Variants in PCDHGB3 observed in about 807,000 individuals in gnomAD.
PCDHGB3 encodes the protein protocadherin gamma-B3.
A neutral mutation model predicts 59.2 loss-of-function variants in PCDHGB3; 40 were observed. The observed-to-expected ratio is 0.68, with a 90% confidence interval of 0.52 to 0.88. PCDHGB3 has a LOEUF of 0.88. Ranked by LOEUF, PCDHGB3 falls within the 40% of genes least tolerant of loss-of-function variation. The pLI is 0.00. For synonymous variants in PCDHGB3, 581 were observed against 503.6 expected, an observed-to-expected ratio of 1.15 and a Z score of -2.06; for missense variants, 1,309 against 1,187.9, an observed-to-expected ratio of 1.10 and a Z score of -1.50.
At chr5:141,422,149 C>G in intron 1 of PCDHGB3, 1 of 1,577,238 alleles carries the variant, frequency 6.3e-7, no homozygotes. Context: ...ACGGGGGTCT[C>G]TGGATTTTGA....
At chr5:141,502,288 G>C (rs2099813700) in intron 2 of PCDHGB3, among the ~76,000 whole-genome samples, 1 of 151,338 alleles carries the variant, frequency 6.6e-6, no homozygotes, top group African/African-American at 2.5e-5. Flanking sequence ...ATTGCATTTG[G>C]TTGTCACGTC....
At chr5:141,381,178 G>A (rs1267503052) in intron 1 of PCDHGB3, among the ~76,000 whole-genome samples, 1 of 152,222 alleles carries the variant, frequency 6.6e-6, no homozygotes, top group African/African-American at 2.4e-5. Flanking sequence ...CCCACAAAAC[G>A]AAGTTAAGCT....
At position 141,487,796 on chromosome 5, in the gene PCDHGB3, T is replaced by C. The variant is rs766798983; in HGVS notation, c.2416-7011T>C. ...TAACTGTTTCGTGAATTAACCAGAG[T>C]TGTCACAGTTTAGCATTGGGGGCGG... On this transcript the variant is annotated intron_variant, in intron 1 of 3. Coordinates refer to ENST00000576222, the MANE Select transcript of PCDHGB3 (RefSeq NM_018924.5). The surrounding 1 kb of genome is among the most constrained non-coding windows in gnomAD (Gnocchi z 5.0). 15 of 1,498,660 alleles carry C rather than the reference T, an allele frequency of 1.0e-5. No homozygotes were observed. The highest frequency in any genetic ancestry group is 1.4e-5 in the Non-Finnish European group (15 of 1,110,900). 92.8% of individuals were successfully genotyped at this position (1,498,660 alleles called of 1,614,324 possible). A position where few individuals can be genotyped will look rare whatever the true frequency, so the allele number is the denominator to read the frequency against.
At position 141,371,825 on chromosome 5, in the gene PCDHGB3, G is replaced by A. The variant is rs1239561889; in HGVS notation, c.1431G>A (p.Ser477=). 1 of 1,613,792 alleles carries A rather than the reference G, an allele frequency of 6.2e-7. No homozygotes were observed. Among genetic ancestry groups the A allele is most frequent in the Non-Finnish European group, 8.5e-7 (1 of 1,179,896 alleles). ...PGASIAHVRA[S]DPDLGPNGLV... is the part of the protein sequence containing the mutation. ...CCTCCATTGCGCATGTCAGAGCCTC[G>A]GATCCCGACTTGGGACCTAATGGCC... Residue 477 remains serine, a synonymous_variant, in exon 1 of 4, where the codon TCG becomes TCA. Transcript: ENST00000576222.
At chr5:141,392,632 C>A in intron 1 of PCDHGB3, 1 of 610,258 alleles carries the variant, frequency 1.6e-6, no homozygotes, top group Non-Finnish European at 2.7e-6. Context: ...ACTCAGATCT[C>A]ACACCTCACG....
intron 1 of PCDHGB3, among the ~76,000 whole-genome samples, chr5:141,401,855 C>T (rs1188056656): frequency 1.3e-5 from 2 of 152,164 alleles, no homozygotes; most frequent in African/African-American, 2.4e-5. Flanking sequence ...TACTTTTAAC[C>T]TTTCAGTAGT....
At chr5:141,495,095 G>C (rs67264863) in intron 2 of PCDHGB3, among the ~76,000 whole-genome samples, 9,751 of 152,126 alleles carry the variant, frequency 0.064, 363 homozygotes, top group South Asian at 0.11. Context: ...TTCCCTCCTC[G>C]CCACGACCGG....
chr5:141,476,584 C>T lies in PCDHGB3; in HGVS notation c.2416-18223C>T. 6.2e-7 allele frequency: 1 copy of T among 1,614,218 alleles called. No individual in the cohort carries two copies. The highest frequency in any genetic ancestry group is 8.5e-7 in the Non-Finnish European group (1 of 1,180,042). ...TGGCTCCGGGGACGCGCTTTCCGCTCGAGAGCGCGCACGATCCCGATGTGG... is the reference window on the plus strand; with the variant it reads ...TGGCTCCGGGGACGCGCTTTCCGCTTGAGAGCGCGCACGATCCCGATGTGG... On this transcript the variant is annotated intron_variant, in intron 1 of 3. Coordinates refer to ENST00000576222, the MANE Select transcript of PCDHGB3 (RefSeq NM_018924.5). The surrounding 1 kb of genome is among the most constrained non-coding windows in gnomAD (Gnocchi z 7.6).
intron 1 of PCDHGB3, chr5:141,388,504 C>T: frequency 1.2e-6 from 2 of 1,613,808 alleles, no homozygotes; most frequent in Non-Finnish European, 1.7e-6. Context: ...AAGCAGAAAT[C>T]CTACCACTTG....
intron 1 of PCDHGB3, chr5:141,478,511 C>CA: frequency 3.1e-6 from 5 of 1,611,778 alleles, no homozygotes; most frequent in Non-Finnish European, 4.2e-6. Context: ...GTTCTATAGG[C>CA]AGGTGTTGGG....
chr5:141,404,132 T>C, intron 1 of PCDHGB3: 1 of 1,613,136 alleles, frequency 6.2e-7, no homozygotes, highest in Non-Finnish European at 8.5e-7. Context: ...ATCTTTTACA[T>C]TAGAAAATTC....
In PCDHGB3 at chr5:141,491,921, A is replaced by T; in HGVS notation, c.2416-2886A>T. ...CCGGGGGTGGTGGCGACTGTGGGCG[A>T]GGGGAGGTGGGACCGACCCCCACCC... On this transcript the variant is annotated intron_variant, in intron 1 of 3. Coordinates refer to ENST00000576222, the MANE Select transcript of PCDHGB3 (RefSeq NM_018924.5). The surrounding 1 kb of genome is among the most constrained non-coding windows in gnomAD (Gnocchi z 6.9). The T allele has an allele frequency of 1.5e-6, 2 of 1,353,738 alleles. No homozygotes were observed. Among genetic ancestry groups the T allele is most frequent in the Non-Finnish European group, 2.0e-6 (2 of 1,013,388 alleles). 83.9% of individuals were successfully genotyped at this position (1,353,738 alleles called of 1,614,324 possible). A position where few individuals can be genotyped will look rare whatever the true frequency, so the allele number is the denominator to read the frequency against.
Position 141,432,732 on chromosome 5 carries a change from T to G in PCDHGB3, c.2415+59923T>G, listed in dbSNP as rs1300743675. 2.5e-6 allele frequency: 4 copies of G among 1,613,940 alleles called. No individual in the cohort carries two copies. Among genetic ancestry groups the G allele is most frequent in the Non-Finnish European group, 3.4e-6 (4 of 1,179,992 alleles). On this transcript the variant is annotated intron_variant, in intron 1 of 3. Coordinates refer to ENST00000576222, the MANE Select transcript of PCDHGB3 (RefSeq NM_018924.5). This position sits in a 1 kb window ranked among gnomAD's most constrained non-coding sequence, Gnocchi z 6.0. ...GGCCAGCCCCCTCTCTCCGCCACTG[T>G]CACGCTCACCGTGGCCGTGGCCGAC...
chr5:141,375,994 G>A lies in PCDHGB3; in HGVS notation c.2415+3185G>A, dbSNP rs553803944. ...CGCGCGCCCTGCTGGACAGAGACGC[G>A]CTCAAGCAGAGCCTAGTGGTGGCCG... On this transcript the variant is annotated intron_variant, in intron 1 of 3. Coordinates refer to ENST00000576222, the MANE Select transcript of PCDHGB3 (RefSeq NM_018924.5). The A allele has an allele frequency of 2.5e-6, 4 of 1,613,410 alleles. No individual in the cohort carries two copies. The South Asian group carries it at 3.3e-5, about 13-fold the overall frequency.
chr5:141,376,293 G>C lies in PCDHGB3; in HGVS notation c.2415+3484G>C, dbSNP rs189836587. 8,405 of 1,614,188 alleles carry C rather than the reference G, an allele frequency of 5.2e-3. 27 individuals carry two copies. Among genetic ancestry groups the C allele is most frequent in the Non-Finnish European group, 6.0e-3 (7,034 of 1,180,042 alleles). On this transcript the variant is annotated intron_variant, in intron 1 of 3. Transcript: ENST00000576222. ...GGAGGTGGCTTAGCGAGCATGCCCG[G>C]CTCGCACTTTGTGGGCGTGGAAGGG...
intron 1 of PCDHGB3, chr5:141,375,485 G>A (rs1478417043): frequency 6.2e-7 from 1 of 1,613,794 alleles, no homozygotes; most frequent in Non-Finnish European, 8.5e-7. Flanking sequence ...CAACCCCAGG[G>A]GTGCCTCCAT....
intron 1 of PCDHGB3, among the ~76,000 whole-genome samples, chr5:141,465,300 G>A (rs904996219): frequency 1.3e-5 from 2 of 152,112 alleles, no homozygotes; most frequent in Non-Finnish European, 2.9e-5. Flanking sequence ...TGAGAGTCCT[G>A]GGAATTTAGC....
Position 141,491,030 on chromosome 5 carries a change from C to T in PCDHGB3, c.2416-3777C>T. ...GTCACCAAGGTGACAGCCGTGGATG[C>T]TGATGCAGGCCACAATGCGTGGCTC... On this transcript the variant is annotated intron_variant, in intron 1 of 3. Transcript: ENST00000576222. The surrounding 1 kb of genome is among the most constrained non-coding windows in gnomAD (Gnocchi z 6.9). 6.2e-7 allele frequency: 1 copy of T among 1,614,148 alleles called. No individual in the cohort carries two copies. Among genetic ancestry groups the T allele is most frequent in the South Asian group, 1.1e-5 (1 of 91,088 alleles).
At chr5:141,383,757 T>A (rs557236350) in intron 1 of PCDHGB3, 1 of 1,613,992 alleles carries the variant, frequency 6.2e-7, no homozygotes, top group East Asian at 2.2e-5. Context: ...AAATAACTCC[T>A]AAACTTCCAA....
Sources: gnomAD v4.1 joint callset for allele counts (sites outside exome capture counted in the v4.1 genomes callset) on GRCh38, gnomAD v4.1.1 for gene constraint, Gnocchi (gnomAD v3.1) non-coding constraint, MANE v1.5 for transcripts, NCBI Gene and HGNC (gene_info 2026-07-23, HGNC 2026-07-21) for gene names.